ABCA13: variants seen among roughly 807,000 people sequenced by gnomAD.
ABCA13 encodes the protein ATP-binding cassette sub-family A member 13.
ABCA13 carries 476 observed loss-of-function variants against 478.7 expected under a neutral mutation model. That is an observed-to-expected ratio of 0.99 (90% CI 0.92 to 1.07). The LOEUF (loss-of-function observed/expected upper bound fraction) is 1.07. Among genes scored for constraint, ABCA13 ranks in the 50% least tolerant of loss-of-function variants. The probability of loss-of-function intolerance (pLI) is 0.00; values close to 1 mark genes in which losing one functional copy is unlikely to be tolerated. For missense variants in ABCA13, 6,060 were observed against 5,910.6 expected (o/e 1.03, Z -0.83); for synonymous variants, 2,252 against 2,158.9 (o/e 1.04, Z -1.20).
chr7:48,600,210 A>G (rs1790736268), intron 58 of ABCA13, among the ~76,000 whole-genome samples: 1 of 151,972 alleles, frequency 6.6e-6, no homozygotes, highest in African/African-American at 2.4e-5. Context: ...CTTAAATCCT[A>G]TTTTGTTTCT....
intron 23 of ABCA13, among the ~76,000 whole-genome samples, chr7:48,302,052 T>C (rs1411673149): frequency 1.3e-5 from 2 of 152,218 alleles, no homozygotes; most frequent in Admixed American, 1.3e-4. Flanking sequence ...AGGGCATTTC[T>C]CTTCTTTCAC....
At chr7:48,432,129 C>T (rs1450885719) in intron 42 of ABCA13, among the ~76,000 whole-genome samples, 1 of 151,872 alleles carries the variant, frequency 6.6e-6, no homozygotes, top group African/African-American at 2.4e-5. Context: ...TTAAAGAAAA[C>T]AAGTAATGCA....
At chr7:48,316,437 C>G (rs1802592663) in intron 26 of ABCA13, among the ~76,000 whole-genome samples, 1 of 152,124 alleles carries the variant, frequency 6.6e-6, no homozygotes, top group African/African-American at 2.4e-5. Flanking sequence ...ATTTAATACT[C>G]TTTTTGATTA....
chr7:48,530,750 A>G (rs1376094958), intron 55 of ABCA13, among the ~76,000 whole-genome samples: 1 of 151,988 alleles, frequency 6.6e-6, no homozygotes, highest in Non-Finnish European at 1.5e-5. Flanking sequence ...GATGTTGAGC[A>G]TTTTTTCATA....
Position 48,410,632 on chromosome 7 carries a change from G to A in ABCA13, c.12183G>A (p.Leu4061=). ...RLRCCGPPFC[L]KEAYGQGLRL... is the part of the protein sequence containing the mutation. ...GGTGCTGCGGTCCTCCCTTCTGCCT[G>A]AAGGAGGCATATGGCCAGGGGCTCC... Residue 4061 remains leucine, a synonymous_variant, in exon 40 of 62, where the codon CTG becomes CTA. Coordinates refer to ENST00000435803, the MANE Select transcript of ABCA13 (RefSeq NM_152701.5). 2 of 1,614,054 alleles carry A rather than the reference G, an allele frequency of 1.2e-6. No homozygotes were observed. The highest frequency in any genetic ancestry group is 1.7e-6 in the Non-Finnish European group (2 of 1,179,888).
At chr7:48,330,030 T>TATCCATCC (rs59122878) in intron 27 of ABCA13, among the ~76,000 whole-genome samples, 10 of 139,756 alleles carry the variant, frequency 7.2e-5, no homozygotes, top group Admixed American at 1.4e-4. Context: ...TTGATCTATT[T>TATCCATCC]ATCCATCCAT....
chr7:48,593,460 T>C (rs10238373), intron 57 of ABCA13, among the ~76,000 whole-genome samples: 18,941 of 151,950 alleles, frequency 0.12, 1,306 homozygotes, highest in East Asian at 0.23. Context: ...CTTTATATTG[T>C]ATTTCCATTA....
intron 2 of ABCA13, among the ~76,000 whole-genome samples, chr7:48,197,383 C>G (rs1386538068): frequency 6.6e-6 from 1 of 152,130 alleles, no homozygotes; most frequent in Admixed American, 6.5e-5. Context: ...CAGGTCTGCT[C>G]CCTGGGGAGG....
chr7:48,516,760 G>A lies in ABCA13; in HGVS notation c.13676G>A (p.Arg4559Lys). ...CTTCCATGGATGTACCTGATGTCCA[G>A]AATCTTTTCCAGTTCGGACGTGGCT... ...ATLPWMYLMS[R>K]IFSSSDVAFI... is the part of the protein sequence containing the mutation. Residue 4559 changes from arginine to lysine, a missense_variant, in exon 52 of 62, where the codon AGA (arginine) becomes AAA (lysine). By Grantham distance (26) the Arg-to-Lys change is conservative. Coordinates refer to ENST00000435803, the MANE Select transcript of ABCA13 (RefSeq NM_152701.5). The A allele has an allele frequency of 6.2e-7, 1 of 1,613,730 alleles. No individual in the cohort carries two copies. The highest frequency in any genetic ancestry group is 8.5e-7 in the Non-Finnish European group (1 of 1,179,716).
chr7:48,254,254 T>C (rs113999790), intron 15 of ABCA13, among the ~76,000 whole-genome samples: 655 of 152,012 alleles, frequency 4.3e-3, no homozygotes, highest in African/African-American at 0.015. Flanking sequence ...ATTCCTATTG[T>C]TTTTTTATAC....
At chr7:48,316,859 T>C (rs1584806201) in intron 26 of ABCA13, among the ~76,000 whole-genome samples, 2 of 152,062 alleles carry the variant, frequency 1.3e-5, no homozygotes, top group African/African-American at 4.8e-5. Flanking sequence ...TGGGAACTAA[T>C]AGAGTGAGAA....
In ABCA13 at chr7:48,426,323, C is replaced by T. The variant is rs533204748; in HGVS notation, c.12460-1443C>T. ...TCCATGCAAACTAATTAACCACGTGCGGAGATATTGCATGCCTCTCCTGAA... is the reference window on the plus strand; with the variant it reads ...TCCATGCAAACTAATTAACCACGTGTGGAGATATTGCATGCCTCTCCTGAA... On this transcript the variant is annotated intron_variant, in intron 41 of 61. Transcript: ENST00000435803. Among the ~76,000 whole-genome samples, 62 of 152,296 alleles carry T rather than the reference C, an allele frequency of 4.1e-4. 1 individual carries two copies. Among genetic ancestry groups the T allele is most frequent in the African/African-American group, 1.3e-3 (56 of 41,564 alleles).
intron 15 of ABCA13, among the ~76,000 whole-genome samples, chr7:48,261,097 C>A (rs1794117006): frequency 6.6e-6 from 1 of 151,872 alleles, no homozygotes; most frequent in Non-Finnish European, 1.5e-5. Flanking sequence ...TTCAATCCAG[C>A]ATGCCAATAT....
In ABCA13 at chr7:48,425,886, C is replaced by T. The variant is rs185920749; in HGVS notation, c.12460-1880C>T. 1.1e-3 allele frequency among the ~76,000 whole-genome samples: 171 copies of T among 152,010 alleles called. 3 individuals carry two copies. In the East Asian group the frequency reaches 0.019, roughly 17 times the overall value. On this transcript the variant is annotated intron_variant, in intron 41 of 61. Transcript: ENST00000435803. ...CCTCCGGAGTAGCTGGGACTACAGGCGCCCGCCACCTCGCCCGGCTAATTT... is the reference window on the plus strand; with the variant it reads ...CCTCCGGAGTAGCTGGGACTACAGGTGCCCGCCACCTCGCCCGGCTAATTT...
chr7:48,372,824 T>C (rs1320079339), intron 33 of ABCA13, among the ~76,000 whole-genome samples: 1 of 152,182 alleles, frequency 6.6e-6, no homozygotes, highest in African/African-American at 2.4e-5. Flanking sequence ...TCTAAAGCAA[T>C]TTTAGAAGTA....
intron 29 of ABCA13, 47 bp from the exon 30 acceptor site, chr7:48,350,596 G>A (rs748215677): frequency 5.3e-6 from 8 of 1,512,848 alleles, no homozygotes; most frequent in African/African-American, 1.4e-5. Context: ...GGTAAGCACT[G>A]GGGGGATACA....
At chr7:48,642,747 C>T (rs1489275304) in intron 59 of ABCA13, among the ~76,000 whole-genome samples, 1 of 152,174 alleles carries the variant, frequency 6.6e-6, no homozygotes, top group Admixed American at 6.5e-5. Context: ...ATGTGAGGAA[C>T]AGAGCCCCTT....
intron 48 of ABCA13, among the ~76,000 whole-genome samples, chr7:48,494,140 G>T (rs1211764425): frequency 6.6e-6 from 1 of 152,146 alleles, no homozygotes; most frequent in Non-Finnish European, 1.5e-5. Context: ...TTAGTATGCT[G>T]CAAACCCCAG....
In ABCA13 at chr7:48,278,625, A is replaced by T; in HGVS notation, c.7431A>T (p.Arg2477Ser). The T allele has an allele frequency of 6.2e-7, 1 of 1,613,708 alleles. No homozygotes were observed. Among genetic ancestry groups the T allele is most frequent in the Non-Finnish European group, 8.5e-7 (1 of 1,179,636 alleles). The change falls in exon 18 of 62, where the codon AGA (arginine) becomes AGT (serine). Residue 2477 changes from arginine (R) to serine (S), a missense_variant. Transcript: ENST00000435803. ...RNRATLEITK[R>S]LVGAISRASE... is the part of the protein sequence containing the mutation. Reference sequence around the variant, plus strand: ...GAGCAACATTAGAAATTACTAAGAGATTAGTTGGTGCTATTTCAAGAGCAA... The same window carrying T: ...GAGCAACATTAGAAATTACTAAGAGTTTAGTTGGTGCTATTTCAAGAGCAA...
Sources: gnomAD v4.1 joint callset for allele counts (sites outside exome capture counted in the v4.1 genomes callset) on GRCh38, gnomAD v4.1.1 for gene constraint, MANE v1.5 for transcripts, NCBI Gene and HGNC (gene_info 2026-07-23, HGNC 2026-07-21) for gene names.